The following EML5 variants were observed in gnomAD, a reference collection of about 807,000 sequenced individuals.
The protein encoded by EML5 is EMAP like 5.
A neutral mutation model predicts 250.0 loss-of-function variants in EML5; 120 were observed. The observed-to-expected ratio is 0.48, with a 90% CI of 0.41 to 0.56. The LOEUF (loss-of-function observed/expected upper bound fraction) is 0.56. EML5 is among the 20% of genes least tolerant of loss of function. EML5 has a pLI of 0.00. For missense variants in EML5, 2,006 were observed against 2,437.6 expected (o/e 0.82, Z 3.73); for synonymous variants, 771 against 806.5 (o/e 0.96, Z 0.75).
At chr14:88,759,706 T>TAAAAAAAAAAAAAAAAAAAA (rs2094212320) in intron 1 of EML5, among the ~76,000 whole-genome samples, 7 of 66,154 alleles carry the variant, frequency 1.1e-4, no homozygotes, top group Middle Eastern at 7.2e-3. Flanking sequence ...AAAAAAAAAC[T>TAAAAAAAAAAAAAAAAAAAA]GGGGAGAAAA....
chr14:88,665,550 G>C, intron 21 of EML5, 61 bp from the exon 22 acceptor site: 1 of 1,600,030 alleles, frequency 6.2e-7, no homozygotes, highest in Non-Finnish European at 8.5e-7. Context: ...GTATGGGCCA[G>C]GTGTGGTGGC....
intron 28 of EML5, among the ~76,000 whole-genome samples, chr14:88,649,291 C>A (rs1243571617): frequency 6.6e-6 from 1 of 152,170 alleles, no homozygotes; most frequent in East Asian, 1.9e-4. Context: ...TCACTTCGGC[C>A]TTCCCAAGTG....
intron 17 of EML5, among the ~76,000 whole-genome samples, chr14:88,692,536 T>A (rs965256156): frequency 1.3e-5 from 2 of 152,210 alleles, no homozygotes; most frequent in African/African-American, 2.4e-5. Context: ...TACAGGAGGA[T>A]GTGCATAAAT....
At chr14:88,748,242 A>G (rs1442722840) in intron 2 of EML5, among the ~76,000 whole-genome samples, 1 of 152,244 alleles carries the variant, frequency 6.6e-6, no homozygotes, top group Non-Finnish European at 1.5e-5. Flanking sequence ...CTATGAGGTC[A>G]TGCAAAGAAG....
At chr14:88,678,876 A>T (rs1335888738) in intron 21 of EML5, among the ~76,000 whole-genome samples, 2 of 152,090 alleles carry the variant, frequency 1.3e-5, no homozygotes, top group Admixed American at 1.3e-4. Context: ...GTGTGTCCTA[A>T]AACAACAGAA....
At chr14:88,735,008 T>A (rs746165742) in intron 7 of EML5, among the ~76,000 whole-genome samples, 1 of 152,124 alleles carries the variant, frequency 6.6e-6, no homozygotes, top group Non-Finnish European at 1.5e-5. Flanking sequence ...GAACACTGTG[T>A]GATAACAGTA....
chr14:88,735,486 A>C (rs1452819396), intron 7 of EML5, among the ~76,000 whole-genome samples: 2 of 152,218 alleles, frequency 1.3e-5, no homozygotes, highest in Non-Finnish European at 2.9e-5. Context: ...AGAGAAATAC[A>C]TATTTTCAAA....
chr14:88,750,413 T>C (rs1221797393), intron 2 of EML5, among the ~76,000 whole-genome samples: 1 of 152,128 alleles, frequency 6.6e-6, no homozygotes, highest in African/African-American at 2.4e-5. Flanking sequence ...TAGTTTACTA[T>C]AACCATAGTT....
chr14:88,661,846 A>C lies in EML5; in HGVS notation c.3499-16T>G, dbSNP rs2140947304. ...TTTTTTCTACCTAAAAATGAAAAAC[A>C]ATGCTGTAAGTTTGGATTATCCAAA... On this transcript the variant is annotated splice_polypyrimidine_tract_variant and intron_variant, in intron 24 of 43. Transcript: ENST00000554922. 6.2e-7 allele frequency: 1 copy of C among 1,600,704 alleles called. No individual in the cohort carries two copies. Among genetic ancestry groups the C allele is most frequent in the Non-Finnish European group, 8.5e-7 (1 of 1,172,372 alleles).
chr14:88,652,357 C>G (rs1198151171), intron 27 of EML5, among the ~76,000 whole-genome samples: 1 of 152,092 alleles, frequency 6.6e-6, no homozygotes, highest in East Asian at 1.9e-4. Flanking sequence ...CCTGGCAACG[C>G]GGGGGTCAGT....
rs2140189455 is a variant in EML5 at position 88,612,879 on chromosome 14, T to G, written c.*2939A>C. On this transcript the variant is annotated 3_prime_UTR_variant, in exon 44 of 44. Coordinates refer to ENST00000554922, the MANE Select transcript of EML5 (RefSeq NM_183387.3). Reference sequence around the variant, plus strand: ...GATCACTGATTTCAAAGACTTGGTGTATAGTGTTAAAAATTAAAGCTTAAA... The same window carrying G: ...GATCACTGATTTCAAAGACTTGGTGGATAGTGTTAAAAATTAAAGCTTAAA... The G allele has an allele frequency of 6.6e-6, 1 of 152,472 alleles. No individual in the cohort carries two copies. The highest frequency in any genetic ancestry group is 1.9e-4 in the East Asian group (1 of 5,180). The allele number at this position is 152,472 out of a possible 1,614,324, so 9.4% of individuals were successfully genotyped here. A position where few individuals can be genotyped will look rare whatever the true frequency, so the allele number is the denominator to read the frequency against.
intron 21 of EML5, among the ~76,000 whole-genome samples, chr14:88,675,230 T>G (rs2092566558): frequency 6.6e-6 from 1 of 152,238 alleles, no homozygotes; most frequent in African/African-American, 2.4e-5. Flanking sequence ...ATTTCCCTTT[T>G]GCACTGCCCT....
chr14:88,734,013 A>C (rs535737759), intron 7 of EML5, among the ~76,000 whole-genome samples: 15 of 151,188 alleles, frequency 9.9e-5, no homozygotes, highest in Middle Eastern at 3.5e-3. Context: ...ACACGAAGTA[A>C]AAAAAAAAGC....
chr14:88,698,027 G>T (rs1315744044), intron 14 of EML5, among the ~76,000 whole-genome samples: 1 of 152,096 alleles, frequency 6.6e-6, no homozygotes, highest in African/African-American at 2.4e-5. Context: ...GTGAGCTACC[G>T]CACCTGGCCG....
intron 8 of EML5, among the ~76,000 whole-genome samples, chr14:88,725,428 G>C (rs991742432): frequency 7.2e-5 from 11 of 152,264 alleles, no homozygotes; most frequent in Middle Eastern, 3.4e-3. Flanking sequence ...GTTCATAATG[G>C]GGAGATGTTA....
intron 1 of EML5, among the ~76,000 whole-genome samples, chr14:88,762,705 T>C (rs776644838): frequency 6.6e-6 from 1 of 152,076 alleles, no homozygotes; most frequent in Non-Finnish European, 1.5e-5. Context: ...CAACAGAATA[T>C]ACACTCTTCT....
At position 88,638,620 on chromosome 14, in the gene EML5, A is replaced by G. The variant is rs528047513; in HGVS notation, c.4336+189T>C. Among the ~76,000 whole-genome samples, 18 of 152,330 alleles carry G rather than the reference A, an allele frequency of 1.2e-4. No individual in the cohort carries two copies. The South Asian group carries it at 3.7e-3, about 32-fold the overall frequency. ...TTTTGGATTGTCAAGACCAACTCAG[A>G]TAACCAGAGTGAGTGAGAGAAAGGT... On this transcript the variant is annotated intron_variant, in intron 32 of 43. Transcript: ENST00000554922.
At chr14:88,693,996 C>T (rs1266737615) in intron 17 of EML5, among the ~76,000 whole-genome samples, 1 of 149,836 alleles carries the variant, frequency 6.7e-6, no homozygotes, top group Non-Finnish European at 1.5e-5. Context: ...TGCTCTTGAA[C>T]ACCTAGGCTC....
chr14:88,622,516 G>T, intron 37 of EML5, 88 bp downstream of exon 37: 1 of 1,053,506 alleles, frequency 9.5e-7, no homozygotes, highest in Non-Finnish European at 1.3e-6. Context: ...ATTAAGTATT[G>T]TTCATTAGGC....
Sources: allele counts gnomAD v4.1 joint callset (sites outside exome capture counted in the v4.1 genomes callset), GRCh38; gene constraint gnomAD v4.1.1; transcripts MANE v1.5; gene names NCBI Gene and HGNC (gene_info 2026-07-23, HGNC 2026-07-21).